The following KIAA1217 variants were observed in gnomAD, a reference collection of about 807,000 sequenced individuals.
KIAA1217 encodes the protein KIAA1217.
A neutral mutation model predicts 163.9 loss-of-function variants in KIAA1217; 88 were observed. That is an observed-to-expected ratio of 0.54 (90% CI 0.45 to 0.64). The LOEUF (loss-of-function observed/expected upper bound fraction) is 0.64, where lower values mean the gene tolerates loss of function less well. Among genes scored for constraint, KIAA1217 ranks in the 30% least tolerant of loss-of-function variants. The pLI is 0.00. For missense variants in KIAA1217, 2,372 were observed against 2,475.0 expected, an observed-to-expected ratio of 0.96 and a Z score of 0.88; for synonymous variants, 903 against 923.1, an observed-to-expected ratio of 0.98 and a Z score of 0.39.
chr10:24,433,025 C>T lies in KIAA1217; in HGVS notation c.584C>T (p.Thr195Ile), dbSNP rs769883338. The T allele has an allele frequency of 1.1e-5, 18 of 1,614,100 alleles. No homozygotes were observed. The highest frequency in any genetic ancestry group is 1.0e-5 in the Non-Finnish European group (12 of 1,180,022). Reference sequence around the variant, plus strand: ...CTCTATCTCCAGTATGGAGATGAAACCAAGCAGCTCAGGATGCCGAATGAA... The same window carrying T: ...CTCTATCTCCAGTATGGAGATGAAATCAAGCAGCTCAGGATGCCGAATGAA... ...GVLYLQYGDETKQLRMPNEIT... is the reference protein window; with the variant it reads ...GVLYLQYGDEIKQLRMPNEIT... Residue 195 changes from threonine to isoleucine, a missense_variant, in exon 4 of 21, where the codon ACC becomes ATC. Thr to Ile is a moderately conservative substitution (Grantham distance 89). Around this residue, in one of 3 missense-constraint regions of KIAA1217, gnomAD observed 1,431 missense variants for 1,470.3 expected, o/e 0.97. Transcript: ENST00000376454.
At chr10:23,821,367 A>G (rs1392642583) in intron 1 of KIAA1217, among the ~76,000 whole-genome samples, 1 of 152,114 alleles carries the variant, frequency 6.6e-6, no homozygotes, top group Non-Finnish European at 1.5e-5. Flanking sequence ...ATAAAGCCCC[A>G]TGTTCAGGTG....
intron 2 of KIAA1217, among the ~76,000 whole-genome samples, chr10:24,176,342 A>C (rs1048972755): frequency 1.3e-5 from 2 of 151,964 alleles, no homozygotes; most frequent in African/African-American, 2.4e-5. Flanking sequence ...TAGACACAAA[A>C]GTTCTCCAAG....
intron 1 of KIAA1217, among the ~76,000 whole-genome samples, chr10:23,854,472 G>GA (rs1192219768): frequency 6.6e-6 from 1 of 152,116 alleles, no homozygotes; most frequent in Non-Finnish European, 1.5e-5. Context: ...GTGTGGTGCT[G>GA]AAAAAAATGT....
At chr10:24,216,700 G>A (rs956218618) in intron 1 of KIAA1217, among the ~76,000 whole-genome samples, 9 of 151,264 alleles carry the variant, frequency 5.9e-5, no homozygotes, top group African/African-American at 1.5e-4. Flanking sequence ...GGTTGCGCAC[G>A]GCTGTAATCT....
chr10:23,778,468 A>C (rs971380386), intron 1 of KIAA1217, among the ~76,000 whole-genome samples: 2 of 152,208 alleles, frequency 1.3e-5, no homozygotes, highest in African/African-American at 4.8e-5. Context: ...TTGTCAAGTT[A>C]AACATTACAG....
At chr10:23,700,287 C>T (rs1459044176) in intron 1 of KIAA1217, among the ~76,000 whole-genome samples, 1 of 152,094 alleles carries the variant, frequency 6.6e-6, no homozygotes, top group East Asian at 1.9e-4. Context: ...CCCAATCTGA[C>T]CAGTTATCAC....
At position 24,543,544 on chromosome 10, in the gene KIAA1217, G is replaced by GA. The variant is rs2075356559; in HGVS notation, c.4275dup (p.Gln1426ThrfsTer5). On this transcript the variant is annotated frameshift_variant, in exon 19 of 21. Coordinates refer to ENST00000376454, the MANE Select transcript of KIAA1217 (RefSeq NM_019590.5). LOFTEE classifies it high-confidence loss of function. ...GATGCCAGAAAAGAGATGACCCCCC[G>GA]ACAAGAAGGGACTGACAATGAGGAT... The GA allele has an allele frequency of 1.2e-6, 2 of 1,614,098 alleles. No homozygotes were observed. The highest frequency in any genetic ancestry group is 1.7e-6 in the Non-Finnish European group (2 of 1,180,030).
chr10:24,202,087 C>A (rs577504857), intron 2 of KIAA1217, among the ~76,000 whole-genome samples: 8 of 152,170 alleles, frequency 5.3e-5, no homozygotes, highest in Non-Finnish European at 1.0e-4. Context: ...CCGGGGGTGA[C>A]ATGGAAAGGT....
chr10:24,341,276 G>C (rs1486837873), intron 2 of KIAA1217, among the ~76,000 whole-genome samples: 1 of 151,908 alleles, frequency 6.6e-6, no homozygotes, highest in Non-Finnish European at 1.5e-5. Flanking sequence ...CCTTTTCCAT[G>C]TCTTCTATGT....
intron 7 of KIAA1217, chr10:24,494,854 T>C (rs924520236): frequency 1.7e-6 from 1 of 571,628 alleles, no homozygotes; most frequent in Non-Finnish European, 3.1e-6. Flanking sequence ...TCCCAGTGCA[T>C]GTGGCTTCAT....
At chr10:24,462,743 C>T (rs899501378) in intron 5 of KIAA1217, among the ~76,000 whole-genome samples, 3 of 152,054 alleles carry the variant, frequency 2.0e-5, no homozygotes, top group African/African-American at 4.8e-5. Context: ...ATGGTGAGCA[C>T]GGGGATTTAA....
At chr10:23,779,837 G>A (rs12259168) in intron 1 of KIAA1217, among the ~76,000 whole-genome samples, 6,183 of 152,104 alleles carry the variant, frequency 0.041, 395 homozygotes, top group African/African-American at 0.14. Context: ...AGATTATAAC[G>A]CTGTATTTTT....
At chr10:24,271,204 T>G (rs536361156) in intron 2 of KIAA1217, among the ~76,000 whole-genome samples, 2 of 152,350 alleles carry the variant, frequency 1.3e-5, no homozygotes, top group South Asian at 2.1e-4. Context: ...TATTTTCTAT[T>G]TTGATTGACA....
chr10:24,258,616 G>A (rs1435013958), intron 2 of KIAA1217, among the ~76,000 whole-genome samples: 3 of 149,054 alleles, frequency 2.0e-5, no homozygotes, highest in Admixed American at 6.7e-5. Context: ...TTTTTGAGAC[G>A]GAGTCTCGCT....
chr10:24,382,995 G>T (rs78611934), intron 3 of KIAA1217, among the ~76,000 whole-genome samples: 1 of 151,826 alleles, frequency 6.6e-6, no homozygotes, highest in African/African-American at 2.4e-5. Flanking sequence ...CTACAGGCAC[G>T]CACCCAGGCG....
chr10:24,013,492 T>A (rs1245178870), intron 2 of KIAA1217, among the ~76,000 whole-genome samples: 4 of 152,094 alleles, frequency 2.6e-5, no homozygotes, highest in African/African-American at 9.7e-5. Flanking sequence ...CTAGGAGCAA[T>A]GATTCAGTAT....
intron 1 of KIAA1217, among the ~76,000 whole-genome samples, chr10:23,833,979 A>G (rs753511748): frequency 1.3e-5 from 2 of 152,056 alleles, no homozygotes; most frequent in Non-Finnish European, 2.9e-5. Flanking sequence ...TATGGATTTC[A>G]TGTCTTCATT....
intron 1 of KIAA1217, among the ~76,000 whole-genome samples, chr10:23,796,104 G>T (rs1406069861): frequency 6.6e-6 from 1 of 152,080 alleles, no homozygotes; most frequent in Non-Finnish European, 1.5e-5. Flanking sequence ...AAGAAACCTG[G>T]AATATAAAGT....
intron 2 of KIAA1217, among the ~76,000 whole-genome samples, chr10:24,143,097 T>C (rs2064157129): frequency 6.6e-6 from 1 of 152,144 alleles, no homozygotes; most frequent in South Asian, 2.1e-4. Context: ...TTTACCTTAG[T>C]TGAAAGTTAA....
Sources: allele counts gnomAD v4.1 joint callset (sites outside exome capture counted in the v4.1 genomes callset), GRCh38; gene constraint gnomAD v4.1.1; regional missense constraint gnomAD v4.1.1; transcripts MANE v1.5; gene names NCBI Gene and HGNC (gene_info 2026-07-23, HGNC 2026-07-21).